GJC3: variants seen among roughly 807,000 people sequenced by gnomAD.
GJC3 encodes the protein gap junction gamma-3 protein.
Under a neutral mutation model 19.8 loss-of-function variants are expected in GJC3, and 17 were observed. The ratio of observed to expected loss-of-function variants is 0.86; its 90% CI spans 0.59 to 1.29. The LOEUF (loss-of-function observed/expected upper bound fraction) is 1.29, where lower values mean the gene tolerates loss of function less well. Among genes scored for constraint, GJC3 ranks in the 50% most tolerant of loss-of-function variants. The probability of loss-of-function intolerance (pLI) is 0.00; values close to 1 mark genes in which losing one functional copy is unlikely to be tolerated. For missense variants in GJC3, 317 were observed against 332.5 expected, an observed-to-expected ratio of 0.95 and a Z score of 0.36; for synonymous variants, 140 against 136.5, an observed-to-expected ratio of 1.03 and a Z score of -0.18.
chr7:99,927,923 T>C (rs1400319417), intron 1 of GJC3, among the ~76,000 whole-genome samples: 1 of 152,204 alleles, frequency 6.6e-6, no homozygotes, highest in African/African-American at 2.4e-5. Context: ...AGAATGAGAA[T>C]TGAGCAGAAA....
intron 1 of GJC3, 38 bp from the exon 2 acceptor site, chr7:99,923,641 G>A (rs1282744758): frequency 1.3e-6 from 1 of 779,078 alleles, no homozygotes; most frequent in Non-Finnish European, 2.4e-6. Flanking sequence ...ACAGTTACAA[G>A]TGTGTAACTT....
chr7:99,930,351 A>G (rs1319893902), upstream of GJC3, among the ~76,000 whole-genome samples: 1 of 152,222 alleles, frequency 6.6e-6, no homozygotes, highest in Non-Finnish European at 1.5e-5. Context: ...ATTACATACT[A>G]TAGGATTTGG....
rs1029329613 is a variant in GJC3 at position 99,928,698 on chromosome 7, T to G, written c.781+142A>C. The G allele has an allele frequency of 5.1e-5, 38 of 746,624 alleles. No individual in the cohort carries two copies. In the East Asian group the frequency reaches 5.8e-4, roughly 11 times the overall value. The allele number at this position is 746,624 out of a possible 1,614,324, so 46.2% of individuals were successfully genotyped here. On this transcript the variant is annotated intron_variant, in intron 1 of 1. Transcript: ENST00000312891. Reference sequence around the variant, plus strand: ...CAAAGAAAAGGGTTGGGAGTGGCGGTCAGAACACATCTGCCTAGAACCTGG... The same window carrying G: ...CAAAGAAAAGGGTTGGGAGTGGCGGGCAGAACACATCTGCCTAGAACCTGG...
At chr7:99,924,874 C>G (rs1393701502) in intron 1 of GJC3, among the ~76,000 whole-genome samples, 3 of 152,202 alleles carry the variant, frequency 2.0e-5, no homozygotes, top group African/African-American at 4.8e-5. Context: ...TCTACCGCTA[C>G]AAAATCCTCC....
intron 1 of GJC3, among the ~76,000 whole-genome samples, chr7:99,924,582 A>G (rs1026283216): frequency 6.6e-6 from 1 of 152,236 alleles, no homozygotes; most frequent in African/African-American, 2.4e-5. Context: ...TCCATCTCAA[A>G]AGAAAAAAAA....
Position 99,929,608 on chromosome 7 carries a change from A to G in GJC3, c.13T>C (p.Phe5Leu), listed in dbSNP as rs187126645. The G allele has an allele frequency of 6.2e-7, 1 of 1,607,272 alleles. No individual in the cohort carries two copies. Among genetic ancestry groups the G allele is most frequent in the East Asian group, 2.2e-5 (1 of 44,842 alleles). The change falls in exon 1 of 2, where the codon TTC becomes CTC. Residue 5 changes from phenylalanine to leucine, a missense_variant. Coordinates refer to ENST00000312891, the MANE Select transcript of GJC3 (RefSeq NM_181538.3). ...TCCTCCGCCAGCAGCCGCCGCAGGA[A>G]CCTGCCACACATCCTGTTTTGGAGC... MCGR[F>L]LRRLLAEESR...
chr7:99,928,780 C>A lies in GJC3; in HGVS notation c.781+60G>T, dbSNP rs181056047. 3 of 1,532,218 alleles carry A rather than the reference C, an allele frequency of 2.0e-6. No homozygotes were observed. The African/African-American group carries it at 4.1e-5, about 21-fold the overall frequency. 94.9% of individuals were successfully genotyped at this position (1,532,218 alleles called of 1,614,324 possible). A position where few individuals can be genotyped will look rare whatever the true frequency, so the allele number is the denominator to read the frequency against. ...TTCCCAGAAAGGTGAGGGACCTGCC[C>A]CGGGAGGAGATCATCAGGACACAAA... is the stretch of plus-strand genomic sequence containing the variant. On this transcript the variant is annotated intron_variant, in intron 1 of 1. Transcript: ENST00000312891.
upstream of GJC3, chr7:99,929,762 C>T: frequency 2.7e-6 from 2 of 740,848 alleles, no homozygotes; most frequent in African/African-American, 1.8e-5. Context: ...TGATTAAATA[C>T]CAAGACTCTG....
intron 1 of GJC3, 60 bp from the exon 2 acceptor site, chr7:99,923,663 G>C: frequency 1.3e-6 from 1 of 766,146 alleles, no homozygotes; most frequent in Non-Finnish European, 2.4e-6. Flanking sequence ...TTCACAGTGC[G>C]TACCCAAAAC....
At chr7:99,926,439 A>G (rs1239053012) in intron 1 of GJC3, among the ~76,000 whole-genome samples, 1 of 152,232 alleles carries the variant, frequency 6.6e-6, no homozygotes, top group Non-Finnish European at 1.5e-5. Flanking sequence ...ATGTATAAAC[A>G]AAATGTGGTA....
At chr7:99,924,124 C>T (rs1819743133) in intron 1 of GJC3, among the ~76,000 whole-genome samples, 1 of 152,230 alleles carries the variant, frequency 6.6e-6, no homozygotes, top group African/African-American at 2.4e-5. Flanking sequence ...CAAAAACCGT[C>T]ATCACATCAT....
Position 99,929,475 on chromosome 7 carries a change from C to G in GJC3, c.146G>C (p.Ser49Thr), listed in dbSNP as rs1163408927. 6.2e-7 allele frequency: 1 copy of G among 1,613,854 alleles called. No individual in the cohort carries two copies. Among genetic ancestry groups the G allele is most frequent in the Non-Finnish European group, 8.5e-7 (1 of 1,179,868 alleles). The change falls in exon 1 of 2, where the codon AGT becomes ACT. Residue 49 changes from serine to threonine, a missense_variant. Transcript: ENST00000312891. Reference protein sequence around the residue: ...SGPGVYGDEQSEFVCHTQQPG... With the variant: ...SGPGVYGDEQTEFVCHTQQPG... ...CTGCTGGGTGTGACACACGAATTCA[C>G]TCTGCTCATCACCATAGACTCCAGG...
intron 1 of GJC3, among the ~76,000 whole-genome samples, chr7:99,928,374 G>C (rs1819840567): frequency 6.6e-6 from 1 of 152,180 alleles, no homozygotes. Context: ...TAGACTACAT[G>C]GCCCAAGGGG....
Position 99,923,342 on chromosome 7 carries a change from C to T in GJC3, c.*203G>A, listed in dbSNP as rs1283766128. 3.2e-6 allele frequency: 2 copies of T among 617,182 alleles called. No homozygotes were observed. 38.2% of individuals were successfully genotyped at this position (617,182 alleles called of 1,614,324 possible). ...GGAATAATTCCCCAAAGCAATGCCT[C>T]CCTGAGCAATGGTGCAAACATGGCT... On this transcript the variant is annotated 3_prime_UTR_variant, in exon 2 of 2. Coordinates refer to ENST00000312891, the MANE Select transcript of GJC3 (RefSeq NM_181538.3).
At position 99,929,055 on chromosome 7, in the gene GJC3, G is replaced by T. The variant is rs765434083; in HGVS notation, c.566C>A (p.Thr189Asn). The stretch of plus-strand genomic sequence containing the variant: ...TCCAAACATGGTCTTTAGGAAAATG[G>T]TCTTCTCAGAGGGGCGGGACAGATT... ...TCNLSRPSEKTIFLKTMFGVS... is the reference protein window; with the variant it reads ...TCNLSRPSEKNIFLKTMFGVS... Residue 189 changes from threonine (T) to asparagine (N), a missense_variant, in exon 1 of 2, where the codon ACC becomes AAC. Thr to Asn is a moderately conservative substitution (Grantham distance 65). Transcript: ENST00000312891. The T allele has an allele frequency of 6.2e-7, 1 of 1,614,012 alleles. No individual in the cohort carries two copies. The highest frequency in any genetic ancestry group is 1.3e-5 in the African/African-American group (1 of 74,906).
chr7:99,924,874 C>CA (rs1217846972), intron 1 of GJC3, among the ~76,000 whole-genome samples: 3 of 152,202 alleles, frequency 2.0e-5, no homozygotes, highest in Non-Finnish European at 4.4e-5. Flanking sequence ...TCTACCGCTA[C>CA]AAAATCCTCC....
At chr7:99,923,742 T>A (rs1465181697) in intron 1 of GJC3, 139 bp from the exon 2 acceptor site, 2 of 681,168 alleles carry the variant, frequency 2.9e-6, no homozygotes, top group East Asian at 5.4e-5. Context: ...TACAAAGGCT[T>A]TGAAAACTGA....
intron 1 of GJC3, among the ~76,000 whole-genome samples, chr7:99,925,964 G>A (rs992808425): frequency 4.6e-5 from 7 of 152,234 alleles, no homozygotes; most frequent in South Asian, 4.1e-4. Context: ...AAGTTGAAAC[G>A]TGGAGTTTCC....
intron 1 of GJC3, among the ~76,000 whole-genome samples, chr7:99,927,081 G>T (rs556933075): frequency 3.9e-5 from 6 of 152,294 alleles, no homozygotes; most frequent in Admixed American, 2.0e-4. Context: ...AAGAAGTTAC[G>T]AAGTTGCAAA....
Sources: allele counts gnomAD v4.1 joint callset (sites outside exome capture counted in the v4.1 genomes callset), GRCh38; gene constraint gnomAD v4.1.1; transcripts MANE v1.5; gene names NCBI Gene and HGNC (gene_info 2026-07-23, HGNC 2026-07-21).